Variants in RPSA2 observed in about 807,000 individuals in gnomAD.
RPSA2 encodes ribosomal protein SA 2.
chr19:23,780,652 A>AACAAAACAAG, the RPSA2 span, among the ~76,000 whole-genome samples: 1 of 151,678 alleles, frequency 6.6e-6, no homozygotes, highest in African/African-American at 2.4e-5. Context: ...AACAAAACAA[A>AACAAAACAAG]ACAAAACAAA....
At chr19:23,858,864 C>A in the RPSA2 span, among the ~76,000 whole-genome samples, 5 of 152,150 alleles carry the variant, frequency 3.3e-5, no homozygotes, top group Non-Finnish European at 5.9e-5. Flanking sequence ...AATGTCCACA[C>A]CTGATCCAAC....
At chr19:23,832,653 C>A in the RPSA2 span, 2 of 1,470,614 alleles carry the variant, frequency 1.4e-6, no homozygotes, top group South Asian at 1.2e-5. Context: ...AAGAAGGTGG[C>A]AAAGCATTTC....
the RPSA2 span, among the ~76,000 whole-genome samples, chr19:23,855,958 G>A: frequency 3.6e-4 from 55 of 152,146 alleles, no homozygotes; most frequent in African/African-American, 1.2e-3. Flanking sequence ...TGTCAGGGCC[G>A]TGAGAGCCAC....
the RPSA2 span, among the ~76,000 whole-genome samples, chr19:23,769,662 G>A: frequency 6.6e-6 from 1 of 152,100 alleles, no homozygotes; most frequent in South Asian, 2.1e-4. Context: ...TCTTTTGTTT[G>A]GACCCTCTTC....
At chr19:23,818,111 A>G in the RPSA2 span, 1 of 152,206 alleles carries the variant, frequency 6.6e-6, no homozygotes, top group South Asian at 2.1e-4. Context: ...TAATAGCATC[A>G]CTATGACTTA....
the RPSA2 span, chr19:23,832,770 A>T: frequency 5.7e-6 from 9 of 1,569,524 alleles, no homozygotes; most frequent in Admixed American, 1.5e-4. Flanking sequence ...TCCTTACTCG[A>T]CATAAGATAA....
the RPSA2 span, among the ~76,000 whole-genome samples, chr19:23,870,963 TC>T: frequency 2.6e-5 from 4 of 152,268 alleles, no homozygotes; most frequent in South Asian, 8.3e-4. Context: ...GGTGCTGTGC[TC>T]CTTGAGATTA....
At chr19:23,832,611 T>C in the RPSA2 span, 1 of 1,365,376 alleles carries the variant, frequency 7.3e-7, no homozygotes, top group Non-Finnish European at 9.8e-7. Context: ...ACACATAAGG[T>C]AATTCATACT....
chr19:23,758,874 C>T, the RPSA2 span: 3 of 1,370,910 alleles, frequency 2.2e-6, no homozygotes, highest in African/African-American at 4.3e-5. Context: ...ACCCGGAGCT[C>T]GGGCTGAAGG....
chr19:23,857,888 C>T, the RPSA2 span, among the ~76,000 whole-genome samples: 1 of 151,990 alleles, frequency 6.6e-6, no homozygotes, highest in Non-Finnish European at 1.5e-5. Flanking sequence ...ATAAACCTTG[C>T]TTATCTGTGT....
chr19:23,825,817 A>G, the RPSA2 span, among the ~76,000 whole-genome samples: 1 of 152,044 alleles, frequency 6.6e-6, no homozygotes, highest in African/African-American at 2.4e-5. Context: ...TTGAACTCCC[A>G]ACCTCAGGTG....
the RPSA2 span, among the ~76,000 whole-genome samples, chr19:23,776,726 G>T: frequency 6.6e-6 from 1 of 152,108 alleles, no homozygotes; most frequent in Non-Finnish European, 1.5e-5. Context: ...CAAACTGCTG[G>T]GCCCAGCAGC....
At chr19:23,866,885 G>T in the RPSA2 span, among the ~76,000 whole-genome samples, 4 of 152,170 alleles carry the variant, frequency 2.6e-5, no homozygotes, top group Admixed American at 6.5e-5. Context: ...TTAGGCAAAA[G>T]CTGCCTTAAC....
chr19:23,788,365 T>C, the RPSA2 span, among the ~76,000 whole-genome samples: 3 of 152,206 alleles, frequency 2.0e-5, no homozygotes, highest in African/African-American at 4.8e-5. Context: ...CAGGGCATTG[T>C]GACATGTTGC....
the RPSA2 span, among the ~76,000 whole-genome samples, chr19:23,840,274 A>G: frequency 6.6e-6 from 1 of 152,210 alleles, no homozygotes; most frequent in Non-Finnish European, 1.5e-5. Flanking sequence ...TGACCTCATT[A>G]AAATAATTCT....
the RPSA2 span, among the ~76,000 whole-genome samples, chr19:23,759,827 A>T: frequency 1.3e-5 from 2 of 152,012 alleles, no homozygotes; most frequent in Non-Finnish European, 2.9e-5. Context: ...CGGCCTATAT[A>T]TCAGGTTTTT....
chr19:23,795,308 G>A, the RPSA2 span, among the ~76,000 whole-genome samples: 3 of 151,788 alleles, frequency 2.0e-5, no homozygotes, highest in Admixed American at 2.0e-4. Context: ...ACTTATGAGT[G>A]TAAAGTTGTT....
At chr19:23,854,127 C>G in the RPSA2 span, among the ~76,000 whole-genome samples, 1 of 152,054 alleles carries the variant, frequency 6.6e-6, no homozygotes, top group African/African-American at 2.4e-5. Flanking sequence ...GACTCACTGA[C>G]TGGAATGGAA....
At chr19:23,791,336 C>A in the RPSA2 span, among the ~76,000 whole-genome samples, 2 of 152,252 alleles carry the variant, frequency 1.3e-5, no homozygotes, top group East Asian at 3.9e-4. Flanking sequence ...GTGGAAATAT[C>A]TTGGTTATGT....
Sources: gnomAD v4.1 joint callset for allele counts (sites outside exome capture counted in the v4.1 genomes callset) on GRCh38, gnomAD v4.1.1 for gene constraint, MANE v1.5 for transcripts, NCBI Gene and HGNC (gene_info 2026-07-23, HGNC 2026-07-21) for gene names.